Variants in RTTN observed in about 807,000 individuals in gnomAD.
RTTN encodes rotatin.
RTTN carries 182 observed loss-of-function variants against 269.2 expected under a neutral mutation model. That is an observed-to-expected ratio of 0.68 (90% CI 0.60 to 0.76). RTTN has a LOEUF of 0.76. RTTN is among the 30% of genes least tolerant of loss of function. RTTN has a pLI of 0.00. For missense variants in RTTN, 2,545 were observed against 2,608.6 expected (o/e 0.98, Z 0.53); for synonymous variants, 1,006 against 963.5 (o/e 1.04, Z -0.82).
intron 7 of RTTN, among the ~76,000 whole-genome samples, chr18:70,196,195 C>T (rs2061801012): frequency 6.6e-6 from 1 of 151,968 alleles, no homozygotes; most frequent in South Asian, 2.1e-4. Context: ...ACATGAATAG[C>T]CATACCAAAT....
At position 70,149,960 on chromosome 18, in the gene RTTN, T is replaced by C. The variant is rs577533793; in HGVS notation, c.2172+11A>G. Reference sequence around the variant, plus strand: ...TAAATGGTATCATAAAAAGTGAATTTCACAGAATACCTGTAGTATTGGGAT... The same window carrying C: ...TAAATGGTATCATAAAAAGTGAATTCCACAGAATACCTGTAGTATTGGGAT... On this transcript the variant is annotated intron_variant, in intron 16 of 48. Transcript: ENST00000640769. The C allele has an allele frequency of 4.5e-6, 7 of 1,556,708 alleles. No homozygotes were observed. In the East Asian group the frequency reaches 1.3e-4, roughly 30 times the overall value.
chr18:70,007,102 T>C (rs954567041), intron 46 of RTTN: 2 of 152,242 alleles, frequency 1.3e-5, no homozygotes, highest in Non-Finnish European at 2.9e-5. Context: ...GTGCAGCCCA[T>C]GGAGGGCGAG....
chr18:70,008,221 G>C (rs2056256469), intron 46 of RTTN: 1 of 151,980 alleles, frequency 6.6e-6, no homozygotes, highest in African/African-American at 2.4e-5. Flanking sequence ...TCAACCAAAA[G>C]GACATCCACA....
In RTTN at chr18:70,169,124, A is replaced by G. The variant is rs191596004; in HGVS notation, c.1477-57T>C. 17 of 1,291,210 alleles carry G rather than the reference A, an allele frequency of 1.3e-5. No individual in the cohort carries two copies. In the Admixed American group the frequency reaches 4.1e-4, roughly 31 times the overall value. The allele number at this position is 1,291,210 out of a possible 1,614,324, so 80.0% of individuals were successfully genotyped here. A position where few individuals can be genotyped will look rare whatever the true frequency, so the allele number is the denominator to read the frequency against. On this transcript the variant is annotated intron_variant, in intron 11 of 48. Transcript: ENST00000640769. ...ACTTTGTTTAAAAAAAACTTATTTT[A>G]GAGAAACATAGTGGGCTATAGTCTT...
chr18:70,070,061 T>A (rs1365004870), intron 34 of RTTN, among the ~76,000 whole-genome samples: 1 of 152,224 alleles, frequency 6.6e-6, no homozygotes, highest in East Asian at 1.9e-4. Flanking sequence ...AAATGGATTA[T>A]GTACAATATA....
intron 25 of RTTN, among the ~76,000 whole-genome samples, chr18:70,122,501 C>T (rs537249806): frequency 1.3e-5 from 2 of 152,146 alleles, no homozygotes; most frequent in South Asian, 4.1e-4. Flanking sequence ...CTTGTGCCAG[C>T]CTATGTTCTA....
At position 70,160,781 on chromosome 18, in the gene RTTN, T is replaced by C. The variant is rs980288681; in HGVS notation, c.1929+5281A>G. Among the ~76,000 whole-genome samples the C allele has an allele frequency of 3.9e-5, 6 of 152,030 alleles. No individual in the cohort carries two copies. The South Asian group carries it at 1.2e-3, about 32-fold the overall frequency. ...ACAAAAATCAGTAGCATTTCTGTAC[T>C]CCAATAACATCCAAGCTCAGAGCCA... On this transcript the variant is annotated intron_variant, in intron 14 of 48. Transcript: ENST00000640769.
At chr18:70,145,899 T>C (rs2060378435) in intron 17 of RTTN, 116 bp from the exon 18 acceptor site, 1 of 605,248 alleles carries the variant, frequency 1.7e-6, no homozygotes, top group Non-Finnish European at 2.7e-6. Context: ...GTCACAATTA[T>C]ACTGCCATTA....
At chr18:70,161,684 AG>A (rs2060835224) in intron 14 of RTTN, among the ~76,000 whole-genome samples, 1 of 152,242 alleles carries the variant, frequency 6.6e-6, no homozygotes, top group Non-Finnish European at 1.5e-5. Context: ...AAATGGGCAA[AG>A]GACATAAACA....
intron 23 of RTTN, among the ~76,000 whole-genome samples, chr18:70,132,925 C>T (rs2060033250): frequency 6.6e-6 from 1 of 152,062 alleles, no homozygotes; most frequent in African/African-American, 2.4e-5. Flanking sequence ...AACTCTCTGT[C>T]CCTTTACCCA....
intron 14 of RTTN, among the ~76,000 whole-genome samples, chr18:70,155,634 G>A (rs899881342): frequency 1.3e-5 from 2 of 152,178 alleles, no homozygotes; most frequent in African/African-American, 4.8e-5. Flanking sequence ...CCAATGAGTT[G>A]CCAGAGACAG....
intron 46 of RTTN, among the ~76,000 whole-genome samples, chr18:70,009,406 G>A (rs953263237): frequency 6.6e-6 from 1 of 152,080 alleles, no homozygotes; most frequent in Admixed American, 6.6e-5. Flanking sequence ...AAAAGGCTGG[G>A]ATTACAGGTG....
At chr18:70,138,427 A>T (rs2060176933) in intron 21 of RTTN, 1 of 152,214 alleles carries the variant, frequency 6.6e-6, no homozygotes, top group Admixed American at 6.5e-5. Context: ...GGTATAGATT[A>T]TATTGCCTTG....
At chr18:70,037,938 CCTTGGGCTCTAAGTGAA>C (rs2057225439) in intron 40 of RTTN, among the ~76,000 whole-genome samples, 3 of 152,138 alleles carry the variant, frequency 2.0e-5, no homozygotes, top group Non-Finnish European at 4.4e-5. Flanking sequence ...ACAGAAGTGC[CCTTGGGCTCTAAGTGAA>C]CATTGGCAGC....
At chr18:70,065,141 A>T (rs2058096301) in intron 35 of RTTN, among the ~76,000 whole-genome samples, 3 of 152,122 alleles carry the variant, frequency 2.0e-5, no homozygotes, top group African/African-American at 7.2e-5. Flanking sequence ...TAAATGTTTC[A>T]GAAAGTATTT....
chr18:70,018,205 T>C (rs2056598497), intron 45 of RTTN, among the ~76,000 whole-genome samples: 1 of 152,306 alleles, frequency 6.6e-6, no homozygotes, highest in African/African-American at 2.4e-5. Context: ...CAAGTAAGAA[T>C]TTCTGATGGC....
At chr18:70,142,975 A>G (rs756756160) in intron 18 of RTTN, among the ~76,000 whole-genome samples, 2 of 152,194 alleles carry the variant, frequency 1.3e-5, no homozygotes, top group Non-Finnish European at 2.9e-5. Flanking sequence ...CAGTGATCCA[A>G]GATCGCACCA....
intron 34 of RTTN, among the ~76,000 whole-genome samples, chr18:70,067,336 T>C (rs541827391): frequency 6.6e-6 from 1 of 152,254 alleles, no homozygotes; most frequent in Admixed American, 6.5e-5. Flanking sequence ...ATTTTTTGTA[T>C]TTTTAGTAGA....
rs143785664 is a variant in RTTN, at chr18:70,138,016, C to T, written c.2788+1583G>A. On this transcript the variant is annotated intron_variant, in intron 21 of 48. Coordinates refer to ENST00000640769, the MANE Select transcript of RTTN (RefSeq NM_173630.4). Reference sequence around the variant, plus strand: ...TTTTTCGGCCAGGCACAGTGGCTCACGACTGTAATCCCAGCACTTTGGGAG... The same window carrying T: ...TTTTTCGGCCAGGCACAGTGGCTCATGACTGTAATCCCAGCACTTTGGGAG... Among the ~76,000 whole-genome samples, 169 of 152,256 alleles carry T rather than the reference C, an allele frequency of 1.1e-3. 1 individual carries two copies. Among genetic ancestry groups the T allele is most frequent in the Non-Finnish European group, 5.3e-4 (36 of 68,010 alleles).
Sources: allele counts gnomAD v4.1 joint callset (sites outside exome capture counted in the v4.1 genomes callset), GRCh38; gene constraint gnomAD v4.1.1; transcripts MANE v1.5; gene names NCBI Gene and HGNC (gene_info 2026-07-23, HGNC 2026-07-21).